The following PPA2 variants were observed in gnomAD, a reference collection of about 807,000 sequenced individuals.
The protein encoded by PPA2 is inorganic pyrophosphatase 2.
PPA2 carries 48 observed loss-of-function variants against 49.5 expected under a neutral mutation model. The observed-to-expected ratio is 0.97, with a 90% CI of 0.77 to 1.23. The LOEUF (loss-of-function observed/expected upper bound fraction) is 1.23, where lower values mean the gene tolerates loss of function less well. PPA2 is among the 50% of genes most tolerant of loss of function. The pLI is 0.00. For synonymous variants in PPA2, 131 were observed against 139.9 expected (o/e 0.94, Z 0.45); for missense variants, 429 against 410.1 (o/e 1.05, Z -0.40).
chr4:105,460,886 T>C (rs1723064115), intron 1 of PPA2, among the ~76,000 whole-genome samples: 1 of 151,894 alleles, frequency 6.6e-6, no homozygotes, highest in African/African-American at 2.4e-5. Context: ...TAATTGTCAT[T>C]TGGAAGGTAA....
chr4:105,399,359 T>C, intron 7 of PPA2, 195 bp from the exon 8 acceptor site: 1 of 482,824 alleles, frequency 2.1e-6, no homozygotes, highest in Admixed American at 3.9e-5. Context: ...ATATGTATAA[T>C]ACTATTCCTG....
chr4:105,370,843 C>G lies in PPA2; in HGVS notation c.970G>C (p.Glu324Gln). 1 of 1,467,310 alleles carries G rather than the reference C, an allele frequency of 6.8e-7. No individual in the cohort carries two copies. The highest frequency in any genetic ancestry group is 9.2e-7 in the Non-Finnish European group (1 of 1,089,360). 90.9% of individuals were successfully genotyped at this position (1,467,310 alleles called of 1,614,324 possible). A position where few individuals can be genotyped will look rare whatever the true frequency, so the allele number is the denominator to read the frequency against. The change falls in exon 11 of 12, where the codon GAA (glutamate) becomes CAA (glutamine). Residue 324 changes from glutamate to glutamine, a missense_variant. By Grantham distance (29) the Glu-to-Gln change is conservative (BLOSUM62 2). Coordinates refer to ENST00000341695, the MANE Select transcript of PPA2 (RefSeq NM_176869.3). Reference sequence around the variant, plus strand: ...GAATCAAAATATACTATACCTTCTTCATTACTTTCTTTATTTGGTGAAGAT... The same window carrying G: ...GAATCAAAATATACTATACCTTCTTGATTACTTTCTTTATTTGGTGAAGAT... ...VSSSPNKESN[E>Q]EEQVWHFLGK is the part of the protein sequence containing the mutation.
intron 5 of PPA2, among the ~76,000 whole-genome samples, chr4:105,442,391 G>T (rs146952187): frequency 6.6e-6 from 1 of 152,116 alleles, no homozygotes; most frequent in African/African-American, 2.4e-5. Flanking sequence ...CTTGTCTCAG[G>T]TTATAAAGCT....
intron 10 of PPA2, among the ~76,000 whole-genome samples, chr4:105,379,067 T>G (rs531959635): frequency 3.3e-5 from 5 of 152,238 alleles, no homozygotes; most frequent in African/African-American, 9.6e-5. Flanking sequence ...TGAATCTATA[T>G]ATCAACTTTA....
chr4:105,439,278 A>AT (rs1724223479), intron 5 of PPA2, among the ~76,000 whole-genome samples: 2 of 152,216 alleles, frequency 1.3e-5, no homozygotes, highest in African/African-American at 2.4e-5. Flanking sequence ...TCTATATGGT[A>AT]AAGATTGTAT....
chr4:105,427,492 G>A (rs1394343655), intron 6 of PPA2, among the ~76,000 whole-genome samples: 1 of 152,144 alleles, frequency 6.6e-6, no homozygotes, highest in East Asian at 1.9e-4. Flanking sequence ...CAACAGTGTA[G>A]AGAAGAGCTT....
chr4:105,383,006 A>G (rs1288869497), intron 10 of PPA2, among the ~76,000 whole-genome samples: 2 of 30,636 alleles, frequency 6.5e-5, no homozygotes, highest in Non-Finnish European at 2.0e-4. Flanking sequence ...CTGTGTCTCA[A>G]AAAAAAATAA....
At chr4:105,417,305 CT>C (rs888499674) in intron 7 of PPA2, among the ~76,000 whole-genome samples, 1 of 151,976 alleles carries the variant, frequency 6.6e-6, no homozygotes, top group East Asian at 1.9e-4. Context: ...TAATTTAGGT[CT>C]TTTTACTAAC....
rs188673389 is a variant in PPA2, at chr4:105,449,626, T to G, written c.268-223A>C. On this transcript the variant is annotated intron_variant, in intron 3 of 11. Transcript: ENST00000341695. ...GTCACTTGAGCACTTACACACAGTG[T>G]CAGAGGTTACGAGTCTGAGAATATC... Among the ~76,000 whole-genome samples, 362 of 152,272 alleles carry G rather than the reference T, an allele frequency of 2.4e-3. 5 individuals carry two copies. Among genetic ancestry groups the G allele is most frequent in the East Asian group, 1.3e-3 (7 of 5,192 alleles).
intron 1 of PPA2, among the ~76,000 whole-genome samples, chr4:105,468,661 G>A (rs1215882945): frequency 6.6e-6 from 1 of 152,158 alleles, no homozygotes; most frequent in Non-Finnish European, 1.5e-5. Context: ...AGATGAATGG[G>A]TAGGAGGCTG....
intron 4 of PPA2, among the ~76,000 whole-genome samples, chr4:105,449,124 G>A (rs551442740): frequency 1.5e-5 from 2 of 133,274 alleles, no homozygotes; most frequent in African/African-American, 6.6e-5. Context: ...GGCTGAGGCA[G>A]GAGAATGGCG....
At chr4:105,395,910 C>T (rs956605581) in intron 9 of PPA2, among the ~76,000 whole-genome samples, 1 of 152,040 alleles carries the variant, frequency 6.6e-6, no homozygotes, top group African/African-American at 2.4e-5. Context: ...AATAAGGAGG[C>T]TTTTACTTTC....
At chr4:105,427,457 A>T (rs2110275270) in intron 6 of PPA2, among the ~76,000 whole-genome samples, 1 of 152,302 alleles carries the variant, frequency 6.6e-6, no homozygotes, top group South Asian at 2.1e-4. Context: ...TTTGAAAAAA[A>T]GTTAGACGAA....
intron 10 of PPA2, among the ~76,000 whole-genome samples, chr4:105,374,689 AT>A (rs1224763959): frequency 3.3e-5 from 5 of 152,302 alleles, no homozygotes; most frequent in Non-Finnish European, 5.9e-5. Context: ...CTGAACCAAT[AT>A]AAAGTATCCT....
At chr4:105,428,340 T>C (rs182346810) in intron 6 of PPA2, among the ~76,000 whole-genome samples, 2 of 152,238 alleles carry the variant, frequency 1.3e-5, no homozygotes, top group African/African-American at 2.4e-5. Context: ...ATCAAATTCA[T>C]ACATAACAAT....
chr4:105,448,274 A>G, intron 4 of PPA2, among the ~76,000 whole-genome samples: 1 of 152,178 alleles, frequency 6.6e-6, no homozygotes, highest in South Asian at 2.1e-4. Context: ...TTTTCCTACT[A>G]AAGTGTTAAC....
chr4:105,375,334 T>G (rs1201884600), intron 10 of PPA2, among the ~76,000 whole-genome samples: 1 of 151,792 alleles, frequency 6.6e-6, no homozygotes, highest in Non-Finnish European at 1.5e-5. Flanking sequence ...TAATGTCTTT[T>G]CTTCATAAAT....
chr4:105,410,667 AG>A (rs1041282248), intron 7 of PPA2, among the ~76,000 whole-genome samples: 2 of 152,206 alleles, frequency 1.3e-5, no homozygotes, highest in African/African-American at 4.8e-5. Context: ...CCAGAGAGAA[AG>A]GTCAGGTTAC....
At chr4:105,380,769 A>T (rs1278180044) in intron 10 of PPA2, among the ~76,000 whole-genome samples, 1 of 152,098 alleles carries the variant, frequency 6.6e-6, no homozygotes, top group South Asian at 2.1e-4. Flanking sequence ...TATTGCTTTT[A>T]AAAAAATACA....
Sources: gnomAD v4.1 joint callset for allele counts (sites outside exome capture counted in the v4.1 genomes callset) on GRCh38, gnomAD v4.1.1 for gene constraint, MANE v1.5 for transcripts, NCBI Gene and HGNC (gene_info 2026-07-23, HGNC 2026-07-21) for gene names.